RASSF5: variants seen among roughly 807,000 people sequenced by gnomAD.
The protein encoded by RASSF5 is ras association domain-containing protein 5.
A neutral mutation model predicts 40.5 loss-of-function variants in RASSF5; 25 were observed. The ratio of observed to expected loss-of-function variants is 0.62; its 90% CI spans 0.45 to 0.86. The LOEUF is 0.86. Among genes scored for constraint, RASSF5 ranks in the 40% least tolerant of loss-of-function variants. The probability of loss-of-function intolerance (pLI) is 0.00; values close to 1 mark genes in which losing one functional copy is unlikely to be tolerated. For missense variants in RASSF5, 521 were observed against 572.8 expected, an observed-to-expected ratio of 0.91 and a Z score of 0.92; for synonymous variants, 246 against 252.4, an observed-to-expected ratio of 0.97 and a Z score of 0.24.
rs556436668 is a variant in RASSF5 at position 206,558,928 on chromosome 1, T to C, written c.579+20635T>C. On this transcript the variant is annotated intron_variant, in intron 2 of 5. Coordinates refer to ENST00000579436, the MANE Select transcript of RASSF5 (RefSeq NM_182663.4). ...GAACACCGTGGCTGCAGAGGGGAGG[T>C]GTCCCACCCTCCCGTGGGGTTCTTG... is the stretch of plus-strand genomic sequence containing the variant. Among the ~76,000 whole-genome samples, 7 of 151,818 alleles carry C rather than the reference T, an allele frequency of 4.6e-5. No homozygotes were observed. The South Asian group carries it at 1.3e-3, about 27-fold the overall frequency.
At chr1:206,559,098 C>T (rs59054485) in intron 2 of RASSF5, among the ~76,000 whole-genome samples, 12,638 of 152,260 alleles carry the variant, frequency 0.083, 735 homozygotes, top group African/African-American at 0.17. Flanking sequence ...GCCCAGAGCA[C>T]CTGATTTAAA....
chr1:206,516,964 A>T (rs1462192755), intron 1 of RASSF5, among the ~76,000 whole-genome samples: 1 of 152,098 alleles, frequency 6.6e-6, no homozygotes, highest in African/African-American at 2.4e-5. Flanking sequence ...GGACTTGCTT[A>T]TGCCCTTCTT....
intron 2 of RASSF5, among the ~76,000 whole-genome samples, chr1:206,561,567 A>G (rs372374303): frequency 2.8e-4 from 42 of 151,612 alleles, no homozygotes; most frequent in African/African-American, 9.7e-4. Flanking sequence ...ATAAACCTCT[A>G]TCTTCCCACT....
intron 2 of RASSF5, among the ~76,000 whole-genome samples, chr1:206,558,774 A>T (rs1437742809): frequency 2.6e-5 from 4 of 152,218 alleles, no homozygotes; most frequent in African/African-American, 9.6e-5. Flanking sequence ...GTCAACTAAA[A>T]TAGGCCCCTG....
intron 1 of RASSF5, among the ~76,000 whole-genome samples, chr1:206,520,830 G>A (rs1666886453): frequency 1.3e-5 from 2 of 152,172 alleles, no homozygotes; most frequent in Admixed American, 1.3e-4. Flanking sequence ...AGAAAGCCCT[G>A]CACTGGGAGC....
At position 206,508,063 on chromosome 1, in the gene RASSF5, A is replaced by C; in HGVS notation, c.457+4A>C. ...CGGCAGGCGCTGCGCTGCACTAGTA[A>C]GTGTGAAGGCAGGGGAGGGGCGTGC... is the stretch of plus-strand genomic sequence containing the variant. On this transcript the variant is annotated splice_donor_region_variant and intron_variant, in intron 1 of 5. Coordinates refer to ENST00000579436, the MANE Select transcript of RASSF5 (RefSeq NM_182663.4). 1 of 1,386,304 alleles carries C rather than the reference A, an allele frequency of 7.2e-7. No homozygotes were observed. Among genetic ancestry groups the C allele is most frequent in the Non-Finnish European group, 9.3e-7 (1 of 1,069,996 alleles). The allele number at this position is 1,386,304 out of a possible 1,614,324, so 85.9% of individuals were successfully genotyped here. A position where few individuals can be genotyped will look rare whatever the true frequency, so the allele number is the denominator to read the frequency against.
At chr1:206,574,853 C>CTTTT (rs71570015) in intron 2 of RASSF5, among the ~76,000 whole-genome samples, 31 of 86,108 alleles carry the variant, frequency 3.6e-4, no homozygotes, top group East Asian at 8.3e-4. Flanking sequence ...GGACCAATGA[C>CTTTT]TTTTTTTTTT....
chr1:206,533,320 C>A (rs536677777), intron 1 of RASSF5, among the ~76,000 whole-genome samples: 1 of 152,244 alleles, frequency 6.6e-6, no homozygotes, highest in East Asian at 1.9e-4. Flanking sequence ...CCTGTCCTGC[C>A]GGCCCACTGT....
chr1:206,562,179 C>T (rs1385255084), intron 2 of RASSF5, among the ~76,000 whole-genome samples: 2 of 152,166 alleles, frequency 1.3e-5, no homozygotes, highest in Admixed American at 1.3e-4. Flanking sequence ...CAGCTCCTCC[C>T]TGGACAGGAT....
chr1:206,536,080 C>T (rs568503592), intron 1 of RASSF5, among the ~76,000 whole-genome samples: 59 of 152,248 alleles, frequency 3.9e-4, no homozygotes, highest in African/African-American at 1.3e-3. Flanking sequence ...TATCAAAACC[C>T]TGGTATTTCT....
At chr1:206,570,830 G>A (rs1187176667) in intron 2 of RASSF5, among the ~76,000 whole-genome samples, 1 of 152,080 alleles carries the variant, frequency 6.6e-6, no homozygotes, top group Non-Finnish European at 1.5e-5. Flanking sequence ...ATCCATCAAT[G>A]GACCCTTGGG....
Position 206,538,296 on chromosome 1 carries a change from A to T in RASSF5, c.579+3A>T, listed in dbSNP as rs1553398939. The T allele has an allele frequency of 1.2e-6, 2 of 1,613,346 alleles. No homozygotes were observed. The highest frequency in any genetic ancestry group is 2.7e-5 in the African/African-American group (2 of 74,894). On this transcript the variant is annotated splice_donor_region_variant and intron_variant, in intron 2 of 5. Transcript: ENST00000579436. The stretch of plus-strand genomic sequence containing the variant: ...CCCTCACCGTGACCTTCAGCCAGGT[A>T]GGTGCCAAAGCTCTCGTACCAAGCT...
rs550196205 is a variant in RASSF5 at position 206,584,663 on chromosome 1, C to T, written c.967C>T (p.Arg323Trp). 30 of 1,614,186 alleles carry T rather than the reference C, an allele frequency of 1.9e-5. No homozygotes were observed. In the South Asian group the frequency reaches 2.6e-4, roughly 14 times the overall value. The change falls in exon 4 of 6, where the codon CGG (arginine) becomes TGG (tryptophan). Residue 323 changes from arginine (R) to tryptophan (W), a missense_variant. Around this residue, in one of 2 missense-constraint regions of RASSF5, gnomAD observed 284 missense variants for 360.8 expected, o/e 0.79. Coordinates refer to ENST00000579436, the MANE Select transcript of RASSF5 (RefSeq NM_182663.4). The surrounding 1 kb of genome is among the most constrained non-coding windows in gnomAD (Gnocchi z 4.9). ...TCCCCAGAAGTTTGCACTTTTTAAG[C>T]GGATACACAAGGACGGACAAGGTAG... Reference protein sequence around the residue: ...DNPQKFALFKRIHKDGQVLFQ... With the variant: ...DNPQKFALFKWIHKDGQVLFQ...
Position 206,523,948 on chromosome 1 carries a change from A to G in RASSF5, c.458-14224A>G, listed in dbSNP as rs573816495. Among the ~76,000 whole-genome samples the G allele has an allele frequency of 3.5e-5, 4 of 115,870 alleles. 1 individual carries two copies. In the South Asian group the frequency reaches 9.4e-4, roughly 27 times the overall value. 76.0% of individuals were successfully genotyped at this position (115,870 alleles called of 152,430 possible). On this transcript the variant is annotated intron_variant, in intron 1 of 5. Coordinates refer to ENST00000579436, the MANE Select transcript of RASSF5 (RefSeq NM_182663.4). ...ATACCATATATAATATATTTTATAT[A>G]TAATATATATACCATATATAATATA...
chr1:206,586,472 A>G (rs1669114641), intron 5 of RASSF5: 1 of 219,632 alleles, frequency 4.6e-6, no homozygotes, highest in African/African-American at 2.4e-5. Context: ...TCCACGTTCC[A>G]CTCCTCCACC....
chr1:206,536,893 C>T (rs913553515), intron 1 of RASSF5, among the ~76,000 whole-genome samples: 17 of 152,232 alleles, frequency 1.1e-4, no homozygotes, highest in Admixed American at 4.6e-4. Flanking sequence ...AGCTGAGGCA[C>T]CTCCAGAATA....
chr1:206,528,225 ACCCACAATTTT>A (rs1667146387), intron 1 of RASSF5, among the ~76,000 whole-genome samples: 2 of 152,136 alleles, frequency 1.3e-5, no homozygotes, highest in Admixed American at 1.3e-4. Context: ...GCTACTATGT[ACCCACAATTTT>A]TTTAATTAAA....
Position 206,586,957 on chromosome 1 carries a change from A to C in RASSF5, c.1236A>C (p.Glu412Asp). 3 of 1,614,154 alleles carry C rather than the reference A, an allele frequency of 1.9e-6. No homozygotes were observed. Among genetic ancestry groups the C allele is most frequent in the Non-Finnish European group, 2.5e-6 (3 of 1,179,976 alleles). The change falls in exon 6 of 6, where the codon GAA (glutamate) becomes GAC (aspartate). Residue 412 changes from glutamate (E) to aspartate (D), a missense_variant. Glu to Asp is a conservative substitution (Grantham distance 45). This residue lies in a region of RASSF5 where 284 missense variants were observed against 360.8 expected (regional missense o/e 0.79). Transcript: ENST00000579436. ...AGAAACTGGAGGAGGCCTTAAGAGA[A>C]TCCCAGGGCAAACCTGGGTAACCGG... is the stretch of plus-strand genomic sequence containing the variant. ...FRQKLEEALR[E>D]SQGKPG
chr1:206,525,527 C>T (rs977153642), intron 1 of RASSF5, among the ~76,000 whole-genome samples: 25 of 152,200 alleles, frequency 1.6e-4, no homozygotes, highest in African/African-American at 4.8e-4. Flanking sequence ...TCTCGCCTCA[C>T]CCACCTGAGT....
Sources: allele counts gnomAD v4.1 joint callset (sites outside exome capture counted in the v4.1 genomes callset), GRCh38; gene constraint gnomAD v4.1.1; regional missense constraint gnomAD v4.1.1; non-coding constraint Gnocchi (gnomAD v3.1); transcripts MANE v1.5; gene names NCBI Gene and HGNC (gene_info 2026-07-23, HGNC 2026-07-21).